The following RAB3C variants were observed in gnomAD, a reference collection of about 807,000 sequenced individuals.
The protein encoded by RAB3C is ras-related protein Rab-3C.
RAB3C carries 17 observed loss-of-function variants against 26.4 expected under a neutral mutation model. The ratio of observed to expected loss-of-function variants is 0.64; its 90% CI spans 0.44 to 0.97. The LOEUF (loss-of-function observed/expected upper bound fraction) is 0.97. Among genes scored for constraint, RAB3C ranks in the 50% least tolerant of loss-of-function variants. RAB3C has a pLI of 0.00. For missense variants in RAB3C, 242 were observed against 281.9 expected (o/e 0.86, Z 1.01); for synonymous variants, 91 against 95.9 (o/e 0.95, Z 0.30).
chr5:58,765,176 C>A (rs1049029952), intron 3 of RAB3C, among the ~76,000 whole-genome samples: 6 of 152,072 alleles, frequency 3.9e-5, no homozygotes, highest in Non-Finnish European at 8.8e-5. Flanking sequence ...AATTAATATA[C>A]CCCTAACTTT....
chr5:58,710,652 T>A (rs1421266014), intron 2 of RAB3C, among the ~76,000 whole-genome samples: 1 of 144,566 alleles, frequency 6.9e-6, no homozygotes, highest in Non-Finnish European at 1.5e-5. Context: ...ATAGAAATTT[T>A]AAAAAAGAGA....
rs939528718 is a variant in RAB3C, at chr5:58,851,439, C to G, written c.*88C>G. On this transcript the variant is annotated 3_prime_UTR_variant, in exon 5 of 5. Transcript: ENST00000282878. ...GGTCTATTAGCCTTCATTTATACTG[C>G]CTAACAATTATTTGAAGGAATAAAT... 9.6e-7 allele frequency: 1 copy of G among 1,039,584 alleles called. No individual in the cohort carries two copies. Among genetic ancestry groups the G allele is most frequent in the Non-Finnish European group, 1.4e-6 (1 of 726,968 alleles). The allele number at this position is 1,039,584 out of a possible 1,614,324, so 64.4% of individuals were successfully genotyped here.
intron 2 of RAB3C, among the ~76,000 whole-genome samples, chr5:58,702,082 A>G (rs1748855018): frequency 6.6e-6 from 1 of 152,222 alleles, no homozygotes; most frequent in South Asian, 2.1e-4. Context: ...CAACAGCTTC[A>G]AATTTTTCTG....
intron 3 of RAB3C, among the ~76,000 whole-genome samples, chr5:58,782,646 A>G (rs1742296248): frequency 6.6e-6 from 1 of 152,186 alleles, no homozygotes; most frequent in African/African-American, 2.4e-5. Flanking sequence ...GCTCAGAAAT[A>G]ATTTCAATGA....
chr5:58,594,203 G>T (rs906267923), intron 1 of RAB3C, among the ~76,000 whole-genome samples: 1 of 152,176 alleles, frequency 6.6e-6, no homozygotes, highest in Non-Finnish European at 1.5e-5. Context: ...TGTTCAAGTG[G>T]CCATAGCTCA....
chr5:58,593,384 T>TTATAAGA (rs1746179053), intron 1 of RAB3C, among the ~76,000 whole-genome samples: 1 of 152,170 alleles, frequency 6.6e-6, no homozygotes, highest in African/African-American at 2.4e-5. Flanking sequence ...GCACAGTAAT[T>TTATAAGA]AACTGAGCTT....
chr5:58,713,953 A>G (rs928265484), intron 2 of RAB3C, among the ~76,000 whole-genome samples: 4 of 152,202 alleles, frequency 2.6e-5, no homozygotes, highest in Non-Finnish European at 4.4e-5. Flanking sequence ...TTGTTATAAG[A>G]TAATAATCCT....
chr5:58,856,580 T>C lies in RAB3C; in HGVS notation c.*5229T>C, dbSNP rs530955000. Reference sequence around the variant, plus strand: ...TGCTGAAATGAGGTTTGAGGTTACCTGTGTATTTCATTCACCTGTGTTAAT... The same window carrying C: ...TGCTGAAATGAGGTTTGAGGTTACCCGTGTATTTCATTCACCTGTGTTAAT... On this transcript the variant is annotated 3_prime_UTR_variant, in exon 5 of 5. Coordinates refer to ENST00000282878, the MANE Select transcript of RAB3C (RefSeq NM_138453.4). The C allele has an allele frequency of 6.6e-6, 1 of 152,346 alleles. No homozygotes were observed. The highest frequency in any genetic ancestry group is 2.1e-4 in the South Asian group (1 of 4,826). 9.4% of individuals were successfully genotyped at this position (152,346 alleles called of 1,614,324 possible).
chr5:58,827,379 A>AT (rs1743506986), intron 4 of RAB3C, among the ~76,000 whole-genome samples: 1 of 152,008 alleles, frequency 6.6e-6, no homozygotes, highest in Non-Finnish European at 1.5e-5. Flanking sequence ...TTGGTTAAAA[A>AT]ATATATATAT....
Position 58,693,330 on chromosome 5 carries a change from A to ATG in RAB3C, c.253-32671_253-32670insGT, listed in dbSNP as rs1554048057. Among the ~76,000 whole-genome samples, 311 of 100,906 alleles carry ATG rather than the reference A, an allele frequency of 3.1e-3. 6 individuals carry two copies. The highest frequency in any genetic ancestry group is 0.012 in the African/African-American group (282 of 24,464). 66.2% of individuals were successfully genotyped at this position (100,906 alleles called of 152,430 possible). On this transcript the variant is annotated intron_variant, in intron 2 of 4. Transcript: ENST00000282878. ...TAAATAAAATTAAGAAATTATATAT[A>ATG]TATGTGTATATATATATATATATAT...
At chr5:58,718,989 A>G (rs1749231186) in intron 2 of RAB3C, among the ~76,000 whole-genome samples, 1 of 152,166 alleles carries the variant, frequency 6.6e-6, no homozygotes, top group East Asian at 1.9e-4. Flanking sequence ...GGAAATTTCT[A>G]AAAATGCAAC....
At chr5:58,675,419 A>G (rs1471780191) in intron 2 of RAB3C, among the ~76,000 whole-genome samples, 2 of 151,998 alleles carry the variant, frequency 1.3e-5, no homozygotes, top group Non-Finnish European at 2.9e-5. Flanking sequence ...CTTTCTGTAT[A>G]TTGTAATTTA....
intron 3 of RAB3C, among the ~76,000 whole-genome samples, chr5:58,812,514 T>G (rs1743116556): frequency 6.6e-6 from 1 of 152,184 alleles, no homozygotes; most frequent in Non-Finnish European, 1.5e-5. Flanking sequence ...CACTGTTGTT[T>G]AATAAACAAA....
chr5:58,775,851 C>T (rs7707476), intron 3 of RAB3C, among the ~76,000 whole-genome samples: 15,566 of 152,126 alleles, frequency 0.1, 905 homozygotes, highest in Non-Finnish European at 0.14. Flanking sequence ...TGTGGATATG[C>T]TGATGGTAAG....
At chr5:58,699,390 G>A (rs1223352369) in intron 2 of RAB3C, among the ~76,000 whole-genome samples, 7 of 152,192 alleles carry the variant, frequency 4.6e-5, no homozygotes, top group African/African-American at 1.7e-4. Flanking sequence ...CCCCTACTGG[G>A]AGGTGTCCTC....
intron 3 of RAB3C, among the ~76,000 whole-genome samples, chr5:58,766,148 C>T (rs1161621551): frequency 6.9e-6 from 1 of 145,426 alleles, no homozygotes; most frequent in Non-Finnish European, 1.5e-5. Context: ...GATGTAGTCT[C>T]GCTCTGTCAC....
intron 2 of RAB3C, among the ~76,000 whole-genome samples, chr5:58,713,833 C>T (rs931592174): frequency 2.6e-5 from 4 of 151,996 alleles, no homozygotes; most frequent in Admixed American, 6.6e-5. Flanking sequence ...CAAACTAGGA[C>T]GTATGGTTAC....
intron 2 of RAB3C, among the ~76,000 whole-genome samples, chr5:58,699,846 T>G (rs1412336761): frequency 6.6e-6 from 1 of 152,132 alleles, no homozygotes; most frequent in Non-Finnish European, 1.5e-5. Context: ...GGCAGGAGTG[T>G]CCCATTTTTC....
chr5:58,795,043 C>A (rs1052576133), intron 3 of RAB3C, among the ~76,000 whole-genome samples: 1 of 152,170 alleles, frequency 6.6e-6, no homozygotes, highest in African/African-American at 2.4e-5. Context: ...GTGGGAGACA[C>A]CCGGTGGGAG....
Sources: allele counts gnomAD v4.1 joint callset (sites outside exome capture counted in the v4.1 genomes callset), GRCh38; gene constraint gnomAD v4.1.1; transcripts MANE v1.5; gene names NCBI Gene and HGNC (gene_info 2026-07-23, HGNC 2026-07-21).